SGCD: variants seen among roughly 807,000 people sequenced by gnomAD.
SGCD encodes delta-sarcoglycan.
A neutral mutation model predicts 36.6 loss-of-function variants in SGCD; 18 were observed. That is an observed-to-expected ratio of 0.49 (90% CI 0.34 to 0.73). The LOEUF is 0.73. Ranked by LOEUF, SGCD falls within the 30% of genes least tolerant of loss-of-function variation. The pLI is 0.01. For synonymous variants in SGCD, 133 were observed against 130.6 expected (o/e 1.02, Z -0.12); for missense variants, 387 against 346.7 (o/e 1.12, Z -0.92).
At position 156,443,656 on chromosome 5, in the gene SGCD, C is replaced by G. The variant is rs1753603491; in HGVS notation, c.193-64945C>G. The stretch of plus-strand genomic sequence containing the variant: ...TCCAGGATTAGGAGCAACGGGAGCA[C>G]TAGGGATCTCTTCTCATATCCGACA... On this transcript the variant is annotated intron_variant, in intron 3 of 8. Transcript: ENST00000337851. Among the ~76,000 whole-genome samples, 4 of 152,202 alleles carry G rather than the reference C, an allele frequency of 2.6e-5. 1 individual carries two copies. The South Asian group carries it at 6.2e-4, about 24-fold the overall frequency.
intron 6 of SGCD, among the ~76,000 whole-genome samples, chr5:156,597,681 G>T (rs1760986044): frequency 6.6e-6 from 1 of 152,166 alleles, no homozygotes; most frequent in Non-Finnish European, 1.5e-5. Context: ...AGTATAGTTT[G>T]ATTCTTTTCC....
chr5:156,628,770 G>A (rs944562317), intron 6 of SGCD, among the ~76,000 whole-genome samples: 2 of 152,204 alleles, frequency 1.3e-5, no homozygotes, highest in African/African-American at 4.8e-5. Context: ...TGATTTGGTA[G>A]GGAGGAAGTG....
intron 3 of SGCD, among the ~76,000 whole-genome samples, chr5:156,174,879 G>C: frequency 6.6e-6 from 1 of 152,304 alleles, no homozygotes; most frequent in East Asian, 1.9e-4. Context: ...GAGAACGTAA[G>C]TTATACATTC....
intron 1 of SGCD, among the ~76,000 whole-genome samples, chr5:155,938,261 C>T (rs1757255572): frequency 6.6e-6 from 1 of 152,188 alleles, no homozygotes; most frequent in African/African-American, 2.4e-5. Flanking sequence ...CCATCAGTGT[C>T]AGAGAGTACT....
At chr5:155,799,392 CTTTA>C in the SGCD span, among the ~76,000 whole-genome samples, 3 of 148,114 alleles carry the variant, frequency 2.0e-5, no homozygotes, top group Non-Finnish European at 4.4e-5. Context: ...AGGACAATGA[CTTTA>C]TTTTTTTTTT....
Position 156,137,751 on chromosome 5 carries a change from C to T in SGCD, c.-44+13732C>T, listed in dbSNP as rs187092769. Among the ~76,000 whole-genome samples, 13 of 152,094 alleles carry T rather than the reference C, an allele frequency of 8.5e-5. No individual in the cohort carries two copies. In the East Asian group the frequency reaches 1.2e-3, roughly 14 times the overall value. ...ATTTTGTCTCAAATATGGGTGGGGC[C>T]GGCAGCATTACTGGTTCAGTGGTAG... is the stretch of plus-strand genomic sequence containing the variant. On this transcript the variant is annotated intron_variant, in intron 3 of 9. Coordinates refer to the SGCD transcript ENST00000517913.
At chr5:155,781,365 C>T in the SGCD span, among the ~76,000 whole-genome samples, 2 of 152,202 alleles carry the variant, frequency 1.3e-5, no homozygotes, top group South Asian at 4.1e-4. Flanking sequence ...ACCTCGCAAA[C>T]CCTCACAGGG....
intron 1 of SGCD, among the ~76,000 whole-genome samples, chr5:155,916,005 T>C (rs558875258): frequency 1.2e-4 from 19 of 152,304 alleles, no homozygotes; most frequent in African/African-American, 4.6e-4. Context: ...AGAAAAATAC[T>C]TTACAGAATT....
At chr5:155,803,123 A>G in the SGCD span, among the ~76,000 whole-genome samples, 1 of 152,276 alleles carries the variant, frequency 6.6e-6, no homozygotes, top group Non-Finnish European at 1.5e-5. Flanking sequence ...TTCAAGATGT[A>G]GATAGGAAAA....
At chr5:156,145,996 G>A (rs1421142155) in intron 3 of SGCD, among the ~76,000 whole-genome samples, 7 of 152,070 alleles carry the variant, frequency 4.6e-5, no homozygotes, top group African/African-American at 1.2e-4. Context: ...GGCGGATCAC[G>A]AGGTCAGGAG....
At chr5:156,191,786 C>T (rs1389366114) in intron 3 of SGCD, among the ~76,000 whole-genome samples, 1 of 152,198 alleles carries the variant, frequency 6.6e-6, no homozygotes, top group African/African-American at 2.4e-5. Context: ...TCTTGGGGCT[C>T]AGTGGGAACC....
the SGCD span, among the ~76,000 whole-genome samples, chr5:155,791,197 A>G: frequency 2.6e-4 from 40 of 152,240 alleles, 1 homozygote; most frequent in East Asian, 7.1e-3. Context: ...CTGAATGTAG[A>G]CAGCTGGGCA....
chr5:156,208,435 C>T (rs1764348005), intron 3 of SGCD, among the ~76,000 whole-genome samples: 1 of 152,204 alleles, frequency 6.6e-6, no homozygotes, highest in South Asian at 2.1e-4. Flanking sequence ...AACTAGCATT[C>T]TGACTCTGGT....
the SGCD span, among the ~76,000 whole-genome samples, chr5:155,763,933 A>G: frequency 7.1e-6 from 1 of 140,138 alleles, no homozygotes; most frequent in Non-Finnish European, 1.7e-5. Flanking sequence ...TTTTGGAAGG[A>G]CAAACAAGAA....
chr5:156,403,509 C>A (rs1373432030), intron 3 of SGCD, among the ~76,000 whole-genome samples: 1 of 152,160 alleles, frequency 6.6e-6, no homozygotes, highest in Non-Finnish European at 1.5e-5. Context: ...AATGACTTCC[C>A]TTTGGAGCTG....
chr5:156,473,265 C>G (rs564234233), intron 3 of SGCD, among the ~76,000 whole-genome samples: 2 of 152,190 alleles, frequency 1.3e-5, no homozygotes, highest in Non-Finnish European at 2.9e-5. Context: ...ACAGATAGTA[C>G]TGAACCCTAT....
chr5:156,516,295 C>CT (rs111375704), intron 4 of SGCD, among the ~76,000 whole-genome samples: 41,821 of 152,146 alleles, frequency 0.27, 5,878 homozygotes, highest in Non-Finnish European at 0.31. Context: ...CATCAAGTCA[C>CT]TACCCTTCTG....
intron 1 of SGCD, among the ~76,000 whole-genome samples, chr5:155,989,266 T>C (rs1462315934): frequency 6.6e-6 from 1 of 152,210 alleles, no homozygotes. Context: ...AACACAGCCA[T>C]AGACAATATG....
At chr5:156,130,890 C>T (rs1762306490) in intron 3 of SGCD, among the ~76,000 whole-genome samples, 2 of 152,008 alleles carry the variant, frequency 1.3e-5, no homozygotes, top group South Asian at 4.1e-4. Context: ...CCATGCCTGG[C>T]TAATTTTTTT....
Sources: allele counts gnomAD v4.1 joint callset (sites outside exome capture counted in the v4.1 genomes callset), GRCh38; gene constraint gnomAD v4.1.1; transcripts MANE v1.5; gene names NCBI Gene and HGNC (gene_info 2026-07-23, HGNC 2026-07-21).